The following ADAMTS9 variants were observed in gnomAD, a reference collection of about 807,000 sequenced individuals.
ADAMTS9 encodes ADAM metallopeptidase with thrombospondin type 1 motif 9, also known as A disintegrin and metalloproteinase with thrombospondin motifs 9.
Under a neutral mutation model 257.1 loss-of-function variants are expected in ADAMTS9, and 107 were observed. The ratio of observed to expected loss-of-function variants is 0.42; its 90% confidence interval spans 0.36 to 0.49. The LOEUF (loss-of-function observed/expected upper bound fraction) is 0.49, where lower values mean the gene tolerates loss of function less well. Among genes scored for constraint, ADAMTS9 ranks in the 20% least tolerant of loss-of-function variants. The probability of loss-of-function intolerance (pLI) is 0.03; values close to 1 mark genes in which losing one functional copy is unlikely to be tolerated. For synonymous variants in ADAMTS9, 982 were observed against 880.9 expected (o/e 1.11, Z -2.03); for missense variants, 2,353 against 2,469.1 (o/e 0.95, Z 1.00).
chr3:64,631,650 C>A (rs997606795), intron 15 of ADAMTS9, 100 bp from the exon 16 acceptor site: 1 of 1,230,722 alleles, frequency 8.1e-7, no homozygotes, highest in Non-Finnish European at 1.2e-6. Context: ...ATATAATTCT[C>A]ATATAATTCT....
Position 64,597,201 on chromosome 3 carries a change from G to T in ADAMTS9, c.4018-210C>A, listed in dbSNP as rs148504501. Among the ~76,000 whole-genome samples, 770 of 152,298 alleles carry T rather than the reference G, an allele frequency of 5.1e-3. 7 individuals are homozygous for T. The highest frequency in any genetic ancestry group is 0.018 in the African/African-American group (736 of 41,576). On this transcript the variant is annotated intron_variant, in intron 26 of 39. Transcript: ENST00000498707. ...ATAGACACACCTGGAGGGCAGAAAT[G>T]TGTCTTCTCTTCTGGTGTGCCTCAG...
At chr3:64,581,864 G>A (rs1336512991) in intron 28 of ADAMTS9, among the ~76,000 whole-genome samples, 1 of 152,142 alleles carries the variant, frequency 6.6e-6, no homozygotes, top group Non-Finnish European at 1.5e-5. Flanking sequence ...TGTTTCATTA[G>A]AGTGTAGGTC....
At chr3:64,533,091 A>T in intron 38 of ADAMTS9, 75 bp downstream of exon 38, 1 of 1,351,424 alleles carries the variant, frequency 7.4e-7, no homozygotes, top group African/African-American at 1.4e-5. Flanking sequence ...CTTCAGCACC[A>T]CTACCACAGT....
At chr3:64,531,343 G>C (rs1470884030) in intron 38 of ADAMTS9, among the ~76,000 whole-genome samples, 1 of 151,588 alleles carries the variant, frequency 6.6e-6, no homozygotes, top group African/African-American at 2.4e-5. Context: ...TTCAGATTTA[G>C]AAAATAAAAA....
chr3:64,675,683 A>G (rs1312192311), intron 3 of ADAMTS9, among the ~76,000 whole-genome samples: 4 of 152,154 alleles, frequency 2.6e-5, no homozygotes, highest in East Asian at 1.9e-4. Context: ...TTTCTATGCA[A>G]TTTGGCCCAT....
At chr3:64,636,850 A>G (rs1700512898) in intron 12 of ADAMTS9, among the ~76,000 whole-genome samples, 1 of 152,200 alleles carries the variant, frequency 6.6e-6, no homozygotes, top group African/African-American at 2.4e-5. Context: ...CAAAGCCTAA[A>G]GTATTTACTA....
intron 30 of ADAMTS9, among the ~76,000 whole-genome samples, chr3:64,556,947 G>C (rs1241239205): frequency 6.6e-6 from 1 of 152,204 alleles, no homozygotes; most frequent in Admixed American, 6.5e-5. Context: ...AGAAGATTCT[G>C]GTGAACAAGC....
At chr3:64,544,125 A>G (rs1327214719) in intron 32 of ADAMTS9, among the ~76,000 whole-genome samples, 1 of 152,212 alleles carries the variant, frequency 6.6e-6, no homozygotes, top group African/African-American at 2.4e-5. Context: ...GGACACAAAC[A>G]AATGGAAGAA....
At chr3:64,546,616 CCT>C in intron 32 of ADAMTS9, 140 bp downstream of exon 32, 1 of 786,066 alleles carries the variant, frequency 1.3e-6, no homozygotes, top group Non-Finnish European at 1.9e-6. Context: ...CCCTTTGATC[CCT>C]GTTAGCCCAT....
At chr3:64,536,260 G>A (rs961056203) in intron 37 of ADAMTS9, among the ~76,000 whole-genome samples, 1 of 152,126 alleles carries the variant, frequency 6.6e-6, no homozygotes, top group African/African-American at 2.4e-5. Flanking sequence ...CTGATTGTTA[G>A]CACTCTGAAA....
chr3:64,583,963 C>A (rs533238623), intron 28 of ADAMTS9: 1 of 152,282 alleles, frequency 6.6e-6, no homozygotes, highest in African/African-American at 2.4e-5. Flanking sequence ...TTCTTCTGAA[C>A]AGAACTTCCT....
Position 64,604,317 on chromosome 3 carries a change from T to C in ADAMTS9, c.3489A>G (p.Pro1163=), listed in dbSNP as rs1452809421. The C allele has an allele frequency of 6.2e-7, 1 of 1,611,314 alleles. No individual in the cohort carries two copies. The highest frequency in any genetic ancestry group is 1.1e-5 in the South Asian group (1 of 90,548). Residue 1163 remains proline, a synonymous_variant, in exon 24 of 40, where the codon CCA becomes CCG. Transcript: ENST00000498707. The part of the protein sequence containing the change: ...RPTDTQDCEL[P]SCHPPPAAPE... ...GGGCAGCTGGGGGAGGATGACATGA[T>C]GGTAATTCACAGTCCTAGACGTGAT...
chr3:64,560,295 C>T (rs2083398577), intron 30 of ADAMTS9, among the ~76,000 whole-genome samples: 1 of 152,176 alleles, frequency 6.6e-6, no homozygotes, highest in South Asian at 2.1e-4. Flanking sequence ...GCATTCCTCC[C>T]TGCCACTGTC....
intron 28 of ADAMTS9, among the ~76,000 whole-genome samples, chr3:64,581,740 T>C (rs545943073): frequency 2.0e-5 from 3 of 152,324 alleles, no homozygotes; most frequent in African/African-American, 7.2e-5. Context: ...CCACTTCCCT[T>C]ATGGAAAACC....
In ADAMTS9 at chr3:64,515,684, A is replaced by G. The variant is rs750616618; in HGVS notation, c.*1443T>C. The G allele has an allele frequency of 1.3e-5, 2 of 152,256 alleles. No homozygotes were observed. Among genetic ancestry groups the G allele is most frequent in the Admixed American group, 6.5e-5 (1 of 15,286 alleles). 9.4% of individuals were successfully genotyped at this position (152,256 alleles called of 1,614,324 possible). A position where few individuals can be genotyped will look rare whatever the true frequency, so the allele number is the denominator to read the frequency against. ...GTGTGGTGATGTATTTATTCATAAT[A>G]TATTTTCAGAACACATTAATAATGG... On this transcript the variant is annotated 3_prime_UTR_variant, in exon 40 of 40. Transcript: ENST00000498707.
In ADAMTS9 at chr3:64,542,359, C is replaced by A. The variant is rs191696169; in HGVS notation, c.5065-389G>T. Among the ~76,000 whole-genome samples the A allele has an allele frequency of 4.0e-5, 6 of 151,818 alleles. No individual in the cohort carries two copies. In the East Asian group the frequency reaches 1.2e-3, roughly 29 times the overall value. Reference sequence around the variant, plus strand: ...GAATTTGTTCAAGGTCATAGTGGAGCCAGGATTCAAACCCTAACTGCTTCC... The same window carrying A: ...GAATTTGTTCAAGGTCATAGTGGAGACAGGATTCAAACCCTAACTGCTTCC... On this transcript the variant is annotated intron_variant, in intron 32 of 39. Coordinates refer to ENST00000498707, the MANE Select transcript of ADAMTS9 (RefSeq NM_182920.2).
chr3:64,659,805 CTCT>C (rs1301688793), intron 3 of ADAMTS9, among the ~76,000 whole-genome samples: 1 of 152,084 alleles, frequency 6.6e-6, no homozygotes, highest in Non-Finnish European at 1.5e-5. Context: ...ATGCCTAGGC[CTCT>C]TCTTGGGTTC....
chr3:64,592,484 T>C (rs1218134908), intron 28 of ADAMTS9: 2 of 152,194 alleles, frequency 1.3e-5, no homozygotes, highest in Non-Finnish European at 2.9e-5. Flanking sequence ...GCTCTTAAAA[T>C]ATCTGTGGGG....
intron 36 of ADAMTS9, among the ~76,000 whole-genome samples, chr3:64,539,603 TA>T (rs2083095158): frequency 1.3e-5 from 2 of 152,132 alleles, no homozygotes; most frequent in Admixed American, 1.3e-4. Flanking sequence ...CATAAATAAA[TA>T]TGTGAATCAC....
Sources: gnomAD v4.1 joint callset for allele counts (sites outside exome capture counted in the v4.1 genomes callset) on GRCh38, gnomAD v4.1.1 for gene constraint, MANE v1.5 for transcripts, NCBI Gene and HGNC (gene_info 2026-07-23, HGNC 2026-07-21) for gene names.